MANSC1: variants seen among roughly 807,000 people sequenced by gnomAD.
MANSC1 encodes MANSC domain containing 1.
MANSC1 carries 13 observed loss-of-function variants against 14.1 expected under a neutral mutation model. The observed-to-expected ratio is 0.92, with a 90% CI of 0.60 to 1.46. The LOEUF (loss-of-function observed/expected upper bound fraction) is 1.46. Ranked by LOEUF, MANSC1 falls within the 40% of genes most tolerant of loss-of-function variation. MANSC1 has a pLI of 0.00. For synonymous variants in MANSC1, 227 were observed against 200.7 expected (o/e 1.13, Z -1.11); for missense variants, 486 against 511.4 (o/e 0.95, Z 0.48).
chr12:12,340,708 T>C (rs1862922621), intron 2 of MANSC1, among the ~76,000 whole-genome samples: 1 of 152,238 alleles, frequency 6.6e-6, no homozygotes, highest in Admixed American at 6.5e-5. Context: ...CTTTGGCTTC[T>C]AGAATAAAAC....
chr12:12,327,444 C>T lies in MANSC1; in HGVS notation c.*2583G>A, dbSNP rs1422399848. 1 of 152,248 alleles carries T rather than the reference C, an allele frequency of 6.6e-6. No homozygotes were observed. The highest frequency in any genetic ancestry group is 2.4e-5 in the African/African-American group (1 of 41,446). 9.4% of individuals were successfully genotyped at this position (152,248 alleles called of 1,614,324 possible). A position where few individuals can be genotyped will look rare whatever the true frequency, so the allele number is the denominator to read the frequency against. On this transcript the variant is annotated 3_prime_UTR_variant, in exon 4 of 4. Coordinates refer to ENST00000535902, the MANE Select transcript of MANSC1 (RefSeq NM_018050.4). ...CAACCTATATCCTCACGGCCACTAA[C>T]AGTTTGGGCCCGTAGCATCACTCAT...
chr12:12,334,027 T>C (rs1314337014), intron 3 of MANSC1, among the ~76,000 whole-genome samples: 2 of 152,252 alleles, frequency 1.3e-5, no homozygotes, highest in African/African-American at 2.4e-5. Context: ...GGCAGGATGA[T>C]TGCTTGAGGC....
chr12:12,347,545 A>G (rs1296817113), intron 1 of MANSC1, among the ~76,000 whole-genome samples: 2 of 152,274 alleles, frequency 1.3e-5, no homozygotes, highest in Non-Finnish European at 2.9e-5. Flanking sequence ...AAAATATACA[A>G]AGAACTCAAG....
At position 12,346,134 on chromosome 12, in the gene MANSC1, G is replaced by A. The variant is rs1205378493; in HGVS notation, c.-100-2720C>T. ...TAAAAATACAAAAAGTTAGCTGGGC[G>A]TGGTGGCGGCCGCCTGTAGTCCCAG... On this transcript the variant is annotated intron_variant, in intron 1 of 3. Coordinates refer to ENST00000535902, the MANE Select transcript of MANSC1 (RefSeq NM_018050.4). Among the ~76,000 whole-genome samples, 18 of 152,268 alleles carry A rather than the reference G, an allele frequency of 1.2e-4. 1 individual carries two copies. In the South Asian group the frequency reaches 1.9e-3, roughly 16 times the overall value.
At position 12,337,949 on chromosome 12, in the gene MANSC1, A is replaced by G. The variant is rs116423134; in HGVS notation, c.364+471T>C. Among the ~76,000 whole-genome samples, 434 of 152,330 alleles carry G rather than the reference A, an allele frequency of 2.8e-3. 2 individuals are homozygous for G. Among genetic ancestry groups the G allele is most frequent in the African/African-American group, 9.1e-3 (378 of 41,582 alleles). On this transcript the variant is annotated intron_variant, in intron 3 of 3. Transcript: ENST00000535902. The stretch of plus-strand genomic sequence containing the variant: ...TTTCCTTTCCAGTCTAGACAATAAA[A>G]TCCAGTGAGTTTGATTTCAGACGAG...
At chr12:12,335,109 C>G (rs1321372616) in intron 3 of MANSC1, among the ~76,000 whole-genome samples, 1 of 152,124 alleles carries the variant, frequency 6.6e-6, no homozygotes, top group African/African-American at 2.4e-5. Flanking sequence ...TAGGACTTGG[C>G]CTTGATGGTT....
intron 1 of MANSC1, among the ~76,000 whole-genome samples, chr12:12,348,730 A>C (rs1329510625): frequency 1.3e-5 from 2 of 151,712 alleles, no homozygotes; most frequent in South Asian, 2.1e-4. Context: ...AAAAAAAAAA[A>C]AACCCAGAAA....
At position 12,328,992 on chromosome 12, in the gene MANSC1, A is replaced by T. The variant is rs1426687543; in HGVS notation, c.*1035T>A. The T allele has an allele frequency of 9.9e-5, 14 of 142,022 alleles. No homozygotes were observed. The highest frequency in any genetic ancestry group is 3.4e-4 in the African/African-American group (11 of 32,128). The allele number at this position is 142,022 out of a possible 1,614,324, so 8.8% of individuals were successfully genotyped here. A position where few individuals can be genotyped will look rare whatever the true frequency, so the allele number is the denominator to read the frequency against. ...GACAGAGCAAGACTCTGTCACACAC[A>T]CACACACACACACACACACACACAC... On this transcript the variant is annotated 3_prime_UTR_variant, in exon 4 of 4. Transcript: ENST00000535902.
Position 12,328,218 on chromosome 12 carries a change from G to C in MANSC1, c.*1809C>G, listed in dbSNP as rs974806330. ...AAAGCCTTTCTCAGAAATTTTAATT[G>C]GTAACCAGTAAAAATTGTAGCATCA... On this transcript the variant is annotated 3_prime_UTR_variant, in exon 4 of 4. Coordinates refer to ENST00000535902, the MANE Select transcript of MANSC1 (RefSeq NM_018050.4). The C allele has an allele frequency of 1.3e-5, 2 of 152,040 alleles. No homozygotes were observed. Among genetic ancestry groups the C allele is most frequent in the Non-Finnish European group, 2.9e-5 (2 of 67,998 alleles). 9.4% of individuals were successfully genotyped at this position (152,040 alleles called of 1,614,324 possible). A position where few individuals can be genotyped will look rare whatever the true frequency, so the allele number is the denominator to read the frequency against.
intron 3 of MANSC1, among the ~76,000 whole-genome samples, chr12:12,331,700 GTC>G (rs1388788931): frequency 1.3e-5 from 2 of 152,140 alleles, no homozygotes; most frequent in African/African-American, 4.8e-5. Context: ...CCTGTGGTGT[GTC>G]TCTGACAGGG....
intron 3 of MANSC1, among the ~76,000 whole-genome samples, chr12:12,336,111 C>T (rs1160648110): frequency 2.0e-5 from 3 of 152,164 alleles, no homozygotes; most frequent in Non-Finnish European, 2.9e-5. Context: ...GCACTCCACC[C>T]TGGGCAACAG....
At chr12:12,336,777 C>T (rs1461354853) in intron 3 of MANSC1, among the ~76,000 whole-genome samples, 2 of 152,160 alleles carry the variant, frequency 1.3e-5, no homozygotes, top group Admixed American at 6.5e-5. Context: ...ATCCTCCCAC[C>T]TCCCAGAGTG....
intron 1 of MANSC1, among the ~76,000 whole-genome samples, chr12:12,347,348 C>A (rs116843259): frequency 6.6e-6 from 1 of 152,042 alleles, no homozygotes; most frequent in African/African-American, 2.4e-5. Flanking sequence ...GTTCGTGCGC[C>A]GATGAGAATC....
intron 3 of MANSC1, among the ~76,000 whole-genome samples, chr12:12,333,403 T>C (rs2135989420): frequency 6.6e-6 from 1 of 152,280 alleles, no homozygotes; most frequent in Non-Finnish European, 1.5e-5. Flanking sequence ...CACTCTGTGA[T>C]GTGTGTGAAA....
At chr12:12,331,787 A>G (rs903401086) in intron 3 of MANSC1, among the ~76,000 whole-genome samples, 2 of 152,146 alleles carry the variant, frequency 1.3e-5, no homozygotes, top group Non-Finnish European at 2.9e-5. Flanking sequence ...GAACAGCAAC[A>G]ACGACAACAA....
chr12:12,338,117 T>G (rs534837984), intron 3 of MANSC1, among the ~76,000 whole-genome samples: 1 of 152,224 alleles, frequency 6.6e-6, no homozygotes, highest in Non-Finnish European at 1.5e-5. Flanking sequence ...CCTGGAGACC[T>G]GTATACTTAT....
In MANSC1 at chr12:12,329,875, G is replaced by A; in HGVS notation, c.*152C>T. The A allele has an allele frequency of 3.1e-6, 2 of 655,218 alleles. No individual in the cohort carries two copies. Among genetic ancestry groups the A allele is most frequent in the Non-Finnish European group, 5.1e-6 (2 of 391,714 alleles). 40.6% of individuals were successfully genotyped at this position (655,218 alleles called of 1,614,324 possible). A position where few individuals can be genotyped will look rare whatever the true frequency, so the allele number is the denominator to read the frequency against. On this transcript the variant is annotated 3_prime_UTR_variant, in exon 4 of 4. Coordinates refer to ENST00000535902, the MANE Select transcript of MANSC1 (RefSeq NM_018050.4). ...CACTCCAGCCTGGGCAACAAAGCAA[G>A]ACTCTGTCTCCAAAAAAAAAAAAGG...
Position 12,330,117 on chromosome 12 carries a change from G to A in MANSC1, c.1206C>T (p.Val402=). ...ATTCCGAGAGGATTCTACCCAGGAG[G>A]ACGAGGCCTATCACCAGGAACAGGA... ...FGVLFLVIGL[V]LLGRILSESL... is the part of the protein sequence containing the mutation. The change falls in exon 4 of 4, where the codon GTC becomes GTT. Residue 402 remains valine (V), a synonymous_variant. Coordinates refer to ENST00000535902, the MANE Select transcript of MANSC1 (RefSeq NM_018050.4). 6.2e-7 allele frequency: 1 copy of A among 1,613,954 alleles called. No homozygotes were observed. Among genetic ancestry groups the A allele is most frequent in the Non-Finnish European group, 8.5e-7 (1 of 1,179,854 alleles).
At position 12,327,566 on chromosome 12, in the gene MANSC1, T is replaced by A. The variant is rs932296960; in HGVS notation, c.*2461A>T. 6.6e-6 allele frequency: 1 copy of A among 152,082 alleles called. No individual in the cohort carries two copies. The highest frequency in any genetic ancestry group is 2.4e-5 in the African/African-American group (1 of 41,404). 9.4% of individuals were successfully genotyped at this position (152,082 alleles called of 1,614,324 possible). A position where few individuals can be genotyped will look rare whatever the true frequency, so the allele number is the denominator to read the frequency against. ...GCCAGGAAAATACCTTTATAAACCA[T>A]CACAGAAAGCCTGATTTCCACTCGC... is the stretch of plus-strand genomic sequence containing the variant. On this transcript the variant is annotated 3_prime_UTR_variant, in exon 4 of 4. Coordinates refer to ENST00000535902, the MANE Select transcript of MANSC1 (RefSeq NM_018050.4).
Sources: gnomAD v4.1 joint callset for allele counts (sites outside exome capture counted in the v4.1 genomes callset) on GRCh38, gnomAD v4.1.1 for gene constraint, MANE v1.5 for transcripts, NCBI Gene and HGNC (gene_info 2026-07-23, HGNC 2026-07-21) for gene names.